The following CTDSP2 variants were observed in gnomAD, a reference collection of about 807,000 sequenced individuals.
CTDSP2 encodes the protein carboxy-terminal domain RNA polymerase II polypeptide A small phosphatase 2.
A neutral mutation model predicts 31.6 loss-of-function variants in CTDSP2; 9 were observed. That is an observed-to-expected ratio of 0.28 (90% CI 0.17 to 0.50). The LOEUF is 0.50. CTDSP2 is among the 20% of genes least tolerant of loss of function. CTDSP2 has a pLI of 0.98. For missense variants in CTDSP2, 267 were observed against 348.5 expected, an observed-to-expected ratio of 0.77 and a Z score of 1.86; for synonymous variants, 134 against 134.5, an observed-to-expected ratio of 1.00 and a Z score of 0.03.
chr12:57,826,159 A>G (rs1009399565), intron 5 of CTDSP2, among the ~76,000 whole-genome samples, 187 bp downstream of exon 5: 1 of 152,186 alleles, frequency 6.6e-6, no homozygotes, highest in African/African-American at 2.4e-5. Flanking sequence ...TATGGGGCTG[A>G]AACTCTTTTT....
intron 2 of CTDSP2, 99 bp from the exon 3 acceptor site, chr12:57,827,689 C>T: frequency 4.2e-6 from 5 of 1,192,198 alleles, no homozygotes; most frequent in Admixed American, 2.0e-5. Context: ...AACTTTCTCC[C>T]CCAGACCCAG....
intron 6 of CTDSP2, 52 bp downstream of exon 6, chr12:57,824,175 C>A: frequency 6.2e-7 from 1 of 1,607,444 alleles, no homozygotes; most frequent in Non-Finnish European, 8.5e-7. Context: ...TGCTGGACCA[C>A]CCCCGTGGCC....
intron 2 of CTDSP2, among the ~76,000 whole-genome samples, chr12:57,827,820 C>T (rs1160835621): frequency 6.6e-6 from 1 of 152,184 alleles, no homozygotes; most frequent in Non-Finnish European, 1.5e-5. Flanking sequence ...ACAAGTGTCC[C>T]TGTTCTCGGC....
chr12:57,826,164 C>A (rs967788721), intron 5 of CTDSP2, among the ~76,000 whole-genome samples, 182 bp downstream of exon 5: 3 of 152,080 alleles, frequency 2.0e-5, no homozygotes, highest in Non-Finnish European at 2.9e-5. Flanking sequence ...GGCTGAAACT[C>A]TTTTTTTAAG....
rs528053446 is a variant in CTDSP2 at position 57,846,206 on chromosome 12, G to A, written c.64+166C>T. ...GGGATCCCCGTGCAACCCCCACGGA[G>A]GTCTGAGTGCCAGCCGGGATGCGGG... On this transcript the variant is annotated intron_variant, in intron 1 of 7. Transcript: ENST00000398073. Among the ~76,000 whole-genome samples, 270 of 152,312 alleles carry A rather than the reference G, an allele frequency of 1.8e-3. 1 individual carries two copies. Among genetic ancestry groups the A allele is most frequent in the African/African-American group, 5.9e-3 (244 of 41,572 alleles).
At chr12:57,824,659 G>A (rs765258989) in intron 5 of CTDSP2, 1 of 550,154 alleles carries the variant, frequency 1.8e-6, no homozygotes, top group Non-Finnish European at 3.7e-6. Flanking sequence ...GATGGAAACA[G>A]CCTATCCTGG....
chr12:57,846,505 GGGGC>G lies in CTDSP2; in HGVS notation c.-74_-71del. 3.7e-6 allele frequency: 5 copies of G among 1,357,934 alleles called. No individual in the cohort carries two copies. The African/African-American group carries it at 4.6e-5, about 13-fold the overall frequency. 84.1% of individuals were successfully genotyped at this position (1,357,934 alleles called of 1,614,324 possible). ...GGGCGCGCGGGCTGGGCTGGGCTGG[GGGGC>G]CTGGGCGGGGGCCCGCTCCGGCTCC... On this transcript the variant is annotated 5_prime_UTR_variant, in exon 1 of 8. Coordinates refer to ENST00000398073, the MANE Select transcript of CTDSP2 (RefSeq NM_005730.4).
chr12:57,845,795 T>A (rs1416676382), intron 1 of CTDSP2, among the ~76,000 whole-genome samples: 1 of 151,878 alleles, frequency 6.6e-6, no homozygotes, highest in Non-Finnish European at 1.5e-5. Context: ...CCACGTCTGG[T>A]GCGCCAGGGC....
At chr12:57,841,973 G>A (rs1592243848) in intron 1 of CTDSP2, among the ~76,000 whole-genome samples, 1 of 152,152 alleles carries the variant, frequency 6.6e-6, no homozygotes, top group Non-Finnish European at 1.5e-5. Flanking sequence ...ACCCAGGCCT[G>A]AAGCAATTTT....
At chr12:57,841,859 T>C (rs1326997528) in intron 1 of CTDSP2, among the ~76,000 whole-genome samples, 1 of 152,200 alleles carries the variant, frequency 6.6e-6, no homozygotes, top group Non-Finnish European at 1.5e-5. Flanking sequence ...GTACCAAGTA[T>C]AATAGAAGGG....
intron 1 of CTDSP2, among the ~76,000 whole-genome samples, chr12:57,841,575 C>T (rs1956282765): frequency 2.0e-5 from 3 of 152,228 alleles, no homozygotes; most frequent in African/African-American, 7.2e-5. Context: ...GTCCCACAGC[C>T]CAGGCAGATA....
chr12:57,840,848 G>A (rs1459031947), intron 1 of CTDSP2, among the ~76,000 whole-genome samples: 1 of 152,154 alleles, frequency 6.6e-6, no homozygotes, highest in East Asian at 1.9e-4. Flanking sequence ...CTAACTCCTA[G>A]AATAGCTAAC....
intron 1 of CTDSP2, chr12:57,842,339 T>C (rs1956287351): frequency 6.6e-6 from 1 of 152,170 alleles, no homozygotes; most frequent in South Asian, 2.1e-4. Flanking sequence ...GATAAGGGAT[T>C]TGGAAGGTCC....
At position 57,822,626 on chromosome 12, in the gene CTDSP2, A is replaced by C. The variant is rs1359694477; in HGVS notation, c.*976T>G. 1 of 152,264 alleles carries C rather than the reference A, an allele frequency of 6.6e-6. No individual in the cohort carries two copies. The highest frequency in any genetic ancestry group is 6.5e-5 in the Admixed American group (1 of 15,282). The allele number at this position is 152,264 out of a possible 1,614,324, so 9.4% of individuals were successfully genotyped here. ...AGTCCTTGCACCAGCACCAGCAGAG[A>C]ATCCCTGAAAAGCAGACTTATGGAA... On this transcript the variant is annotated 3_prime_UTR_variant, in exon 8 of 8. Transcript: ENST00000398073.
chr12:57,836,653 A>T (rs77062558), intron 1 of CTDSP2, among the ~76,000 whole-genome samples: 50 of 152,032 alleles, frequency 3.3e-4, no homozygotes, highest in Non-Finnish European at 5.6e-4. Flanking sequence ...AAAAAAAAAA[A>T]GTGTACATGT....
intron 1 of CTDSP2, among the ~76,000 whole-genome samples, chr12:57,835,937 C>A (rs1434752534): frequency 3.3e-5 from 5 of 152,208 alleles, no homozygotes; most frequent in African/African-American, 1.2e-4. Context: ...AGCCCTCACT[C>A]AGGACTGAAA....
At chr12:57,839,442 G>C (rs559666667) in intron 1 of CTDSP2, among the ~76,000 whole-genome samples, 2 of 152,334 alleles carry the variant, frequency 1.3e-5, no homozygotes, top group African/African-American at 4.8e-5. Flanking sequence ...TGTTAGGCCG[G>C]GCACGGTGGC....
Position 57,823,540 on chromosome 12 carries a change from C to T in CTDSP2, c.*62G>A, listed in dbSNP as rs948579347. ...CCAGCTTCTACTCTGTCACGCTGAT[C>T]GTAAAGGCACAGTGTGGGAAAGTCC... is the stretch of plus-strand genomic sequence containing the variant. On this transcript the variant is annotated 3_prime_UTR_variant, in exon 8 of 8. Coordinates refer to ENST00000398073, the MANE Select transcript of CTDSP2 (RefSeq NM_005730.4). 1.0e-5 allele frequency: 16 copies of T among 1,590,278 alleles called. No individual in the cohort carries two copies. Among genetic ancestry groups the T allele is most frequent in the Admixed American group, 5.1e-5 (3 of 58,260 alleles).
intron 1 of CTDSP2, among the ~76,000 whole-genome samples, chr12:57,839,599 T>A (rs753991460): frequency 2.6e-4 from 39 of 152,074 alleles, no homozygotes; most frequent in Non-Finnish European, 5.4e-4. Flanking sequence ...GCGCCTGTAG[T>A]CCCAGCTACT....
Sources: allele counts gnomAD v4.1 joint callset (sites outside exome capture counted in the v4.1 genomes callset), GRCh38; gene constraint gnomAD v4.1.1; transcripts MANE v1.5; gene names NCBI Gene and HGNC (gene_info 2026-07-23, HGNC 2026-07-21).